The following TEX9 variants were observed in gnomAD, a reference collection of about 807,000 sequenced individuals.
TEX9 encodes testis-expressed protein 9.
TEX9 carries 74 observed loss-of-function variants against 59.6 expected under a neutral mutation model. That is an observed-to-expected ratio of 1.24 (90% confidence interval 1.03 to 1.51). TEX9 has a LOEUF of 1.51. TEX9 is among the 40% of genes most tolerant of loss of function. The pLI is 0.00. For missense variants in TEX9, 522 were observed against 447.8 expected (o/e 1.17, Z -1.49); for synonymous variants, 186 against 152.2 (o/e 1.22, Z -1.64).
intron 9 of TEX9, among the ~76,000 whole-genome samples, chr15:56,402,326 A>G (rs2048836805): frequency 1.3e-5 from 2 of 152,212 alleles, no homozygotes; most frequent in African/African-American, 4.8e-5. Context: ...TCCCGCAGAA[A>G]TACAGACTAT....
intron 1 of TEX9, among the ~76,000 whole-genome samples, chr15:56,264,179 G>A (rs570916885): frequency 1.8e-4 from 27 of 152,246 alleles, no homozygotes; most frequent in South Asian, 1.7e-3. Context: ...TAGTCGCACC[G>A]TTTTTGAATT....
At chr15:56,301,562 A>G (rs2045360865) in intron 1 of TEX9, among the ~76,000 whole-genome samples, 1 of 152,084 alleles carries the variant, frequency 6.6e-6, no homozygotes, top group Non-Finnish European at 1.5e-5. Context: ...AAAATGAAGA[A>G]CATAAAAAAG....
At chr15:56,365,735 C>CT (rs772975126) in intron 2 of TEX9, 65 bp downstream of exon 2, 127 of 1,598,798 alleles carry the variant, frequency 7.9e-5, no homozygotes, top group African/African-American at 2.4e-4. Context: ...CTTACAAGTA[C>CT]TTTTTTCTGG....
intron 1 of TEX9, among the ~76,000 whole-genome samples, chr15:56,322,668 C>G (rs1445480652): frequency 6.6e-6 from 1 of 152,132 alleles, no homozygotes; most frequent in Non-Finnish European, 1.5e-5. Flanking sequence ...TATGATTTTT[C>G]TCTAGCGATG....
chr15:56,420,895 G>T (rs1443590209), intron 10 of TEX9, among the ~76,000 whole-genome samples: 1 of 151,680 alleles, frequency 6.6e-6, no homozygotes, highest in African/African-American at 2.4e-5. Context: ...ATTCCATTGT[G>T]GACAGAGAAT....
chr15:56,249,414 G>A (rs2043953481), intron 1 of TEX9, among the ~76,000 whole-genome samples: 1 of 151,550 alleles, frequency 6.6e-6, no homozygotes, highest in Non-Finnish European at 1.5e-5. Context: ...ATGTTGCTAG[G>A]GGGTTAAAAA....
At chr15:56,359,052 A>G (rs1287846929) in intron 1 of TEX9, among the ~76,000 whole-genome samples, 1 of 152,150 alleles carries the variant, frequency 6.6e-6, no homozygotes. Context: ...AGAACAGACT[A>G]ATATAATCAC....
chr15:56,427,310 A>G (rs1468957277), intron 10 of TEX9, among the ~76,000 whole-genome samples: 2 of 152,096 alleles, frequency 1.3e-5, no homozygotes, highest in African/African-American at 4.8e-5. Context: ...CAAATATATT[A>G]TTTTTGAAAA....
intron 1 of TEX9, among the ~76,000 whole-genome samples, chr15:56,277,957 C>G (rs543344108): frequency 6.6e-6 from 1 of 152,032 alleles, no homozygotes; most frequent in Non-Finnish European, 1.5e-5. Context: ...AACACTATTT[C>G]GTTTTTTTTT....
At chr15:56,331,805 C>T (rs1211738003) in intron 1 of TEX9, among the ~76,000 whole-genome samples, 8 of 151,060 alleles carry the variant, frequency 5.3e-5, no homozygotes, top group Non-Finnish European at 7.4e-5. Flanking sequence ...AAAAAGTGGG[C>T]GAAGGACATG....
At chr15:56,277,055 ATT>A (rs1309276525) in intron 1 of TEX9, among the ~76,000 whole-genome samples, 9 of 151,604 alleles carry the variant, frequency 5.9e-5, no homozygotes, top group Non-Finnish European at 1.2e-4. Context: ...ATCGTTGTAG[ATT>A]CTGGATATTA....
Position 56,427,669 on chromosome 15 carries a change from AAC to A in TEX9, c.1030_1031del (p.Gln344LysfsTer16), listed in dbSNP as rs1219791376. 1 of 1,547,822 alleles carries A rather than the reference AAC, an allele frequency of 6.5e-7. No homozygotes were observed. Among genetic ancestry groups the A allele is most frequent in the African/African-American group, 1.4e-5 (1 of 71,544 alleles). Reference sequence around the variant, plus strand: ...AAATCAGAAAACAAGAAGCTAGAAAAACAAAAAGGAGAATTAATGATAGGGTT... The same window carrying A: ...AAATCAGAAAACAAGAAGCTAGAAAAAAAAAGGAGAATTAATGATAGGGTT... On this transcript the variant is annotated frameshift_variant, in exon 11 of 13. Transcript: ENST00000352903. LOFTEE classifies it high-confidence loss of function.
At chr15:56,437,109 C>T (rs1029246265) in intron 12 of TEX9, among the ~76,000 whole-genome samples, 4 of 152,118 alleles carry the variant, frequency 2.6e-5, no homozygotes, top group Non-Finnish European at 4.4e-5. Flanking sequence ...TTTATGAGGC[C>T]AGCAGCATCC....
At chr15:56,300,707 GGGAGAGA>G in intron 1 of TEX9, among the ~76,000 whole-genome samples, 1 of 98,608 alleles carries the variant, frequency 1.0e-5, no homozygotes, top group African/African-American at 3.9e-5. Context: ...GAGAGAGAGA[GGGAGAGA>G]GAGAGAGAGA....
At chr15:56,268,291 C>G (rs1249627123) in intron 1 of TEX9, among the ~76,000 whole-genome samples, 1 of 152,162 alleles carries the variant, frequency 6.6e-6, no homozygotes, top group Non-Finnish European at 1.5e-5. Context: ...TTGACTTCCT[C>G]TTTTCCTAAT....
chr15:56,365,506 C>T, intron 1 of TEX9, 29 bp downstream of exon 1: 2 of 1,614,196 alleles, frequency 1.2e-6, no homozygotes, highest in Non-Finnish European at 1.7e-6. Context: ...TCCTGGGGAG[C>T]GTCTGGGTTC....
chr15:56,389,820 G>T (rs1213501917), intron 6 of TEX9, among the ~76,000 whole-genome samples: 1 of 151,648 alleles, frequency 6.6e-6, no homozygotes, highest in East Asian at 1.9e-4. Context: ...GCTCTAAATA[G>T]GACTATAATA....
At chr15:56,431,343 A>AGAT in intron 12 of TEX9, 2 of 1,605,764 alleles carry the variant, frequency 1.2e-6, no homozygotes, top group Non-Finnish European at 1.7e-6. Flanking sequence ...CAGGTCATGA[A>AGAT]GATTACAACT....
intron 12 of TEX9, among the ~76,000 whole-genome samples, chr15:56,437,739 CCTT>C (rs1469133919): frequency 2.0e-5 from 3 of 152,148 alleles, no homozygotes; most frequent in Non-Finnish European, 4.4e-5. Flanking sequence ...CCCCAAATCT[CCTT>C]AAGCTGATAA....
Sources: allele counts gnomAD v4.1 joint callset (sites outside exome capture counted in the v4.1 genomes callset), GRCh38; gene constraint gnomAD v4.1.1; transcripts MANE v1.5; gene names NCBI Gene and HGNC (gene_info 2026-07-23, HGNC 2026-07-21).